MBNL2: variants seen among roughly 807,000 people sequenced by gnomAD.
MBNL2 encodes muscleblind like splicing regulator 2, also known as muscleblind-like protein 2.
In MBNL2, 17 loss-of-function variants were observed where a neutral mutation model predicts 41.9. The observed-to-expected ratio is 0.41, with a 90% CI of 0.28 to 0.61. MBNL2 has a LOEUF of 0.61. Among genes scored for constraint, MBNL2 ranks in the 20% least tolerant of loss-of-function variants. The pLI, the probability that MBNL2 is intolerant of heterozygous loss-of-function variation, is 0.35. For synonymous variants in MBNL2, 195 were observed against 182.9 expected, an observed-to-expected ratio of 1.07 and a Z score of -0.53; for missense variants, 336 against 505.6, an observed-to-expected ratio of 0.66 and a Z score of 3.22.
the MBNL2 span, among the ~76,000 whole-genome samples, chr13:97,142,014 C>G: frequency 1.3e-5 from 2 of 151,792 alleles, no homozygotes; most frequent in Non-Finnish European, 2.9e-5. Flanking sequence ...AGGAACTGAA[C>G]CAGAGAGAAG....
At chr13:97,171,505 A>G in the MBNL2 span, among the ~76,000 whole-genome samples, 1 of 152,208 alleles carries the variant, frequency 6.6e-6, no homozygotes, top group Non-Finnish European at 1.5e-5. Flanking sequence ...ATTCATGTGT[A>G]CATACAATAT....
In MBNL2 at chr13:97,287,918, G is replaced by GTTTTTTTTTT. The variant is rs11423615; in HGVS notation, c.174+11510_174+11519dup. The stretch of plus-strand genomic sequence containing the variant: ...TGCCACCAGGCCCGGCTAATTTTCT[G>GTTTTTTTTTT]TTTTTTTTTTGTTTTGTTTTGTTTT... On this transcript the variant is annotated intron_variant, in intron 2 of 8. Coordinates refer to ENST00000679496, the MANE Select transcript of MBNL2 (RefSeq NM_001382683.1). 3.2e-4 allele frequency among the ~76,000 whole-genome samples: 40 copies of GTTTTTTTTTT among 124,600 alleles called. 4 individuals are homozygous for GTTTTTTTTTT. The highest frequency in any genetic ancestry group is 1.4e-3 in the African/African-American group (40 of 28,756). 81.7% of individuals were successfully genotyped at this position (124,600 alleles called of 152,430 possible). A position where few individuals can be genotyped will look rare whatever the true frequency, so the allele number is the denominator to read the frequency against.
At chr13:97,154,662 GT>G in the MBNL2 span, among the ~76,000 whole-genome samples, 1 of 152,098 alleles carries the variant, frequency 6.6e-6, no homozygotes, top group Non-Finnish European at 1.5e-5. Context: ...GATTAAATTC[GT>G]TTGGATGATG....
At chr13:97,237,266 G>A (rs1361571203) in intron 1 of MBNL2, among the ~76,000 whole-genome samples, 4 of 152,204 alleles carry the variant, frequency 2.6e-5, no homozygotes, top group African/African-American at 9.7e-5. Flanking sequence ...GCATGGTGAG[G>A]GACCCTTTGT....
chr13:97,271,767 C>T (rs567753843), intron 1 of MBNL2, among the ~76,000 whole-genome samples: 33 of 152,000 alleles, frequency 2.2e-4, no homozygotes, highest in African/African-American at 7.0e-4. Flanking sequence ...GATCTCATTC[C>T]GCTGCATAGT....
the MBNL2 span, among the ~76,000 whole-genome samples, chr13:97,161,376 G>A: frequency 1.3e-5 from 2 of 152,198 alleles, no homozygotes; most frequent in African/African-American, 4.8e-5. Flanking sequence ...CACCATTGAG[G>A]GTAAGGATAG....
intron 3 of MBNL2, among the ~76,000 whole-genome samples, chr13:97,342,666 TAGTC>T (rs1346524438): frequency 2.0e-5 from 3 of 152,240 alleles, no homozygotes; most frequent in Non-Finnish European, 4.4e-5. Context: ...CAAAGATTAT[TAGTC>T]AGTATTCTAT....
At chr13:97,275,340 T>G (rs547980431) in intron 1 of MBNL2, among the ~76,000 whole-genome samples, 2 of 152,250 alleles carry the variant, frequency 1.3e-5, no homozygotes, top group Admixed American at 1.3e-4. Context: ...ATACACTGTT[T>G]TGGCGATTAA....
intron 8 of MBNL2, among the ~76,000 whole-genome samples, chr13:97,377,084 C>T (rs962765565): frequency 6.6e-5 from 10 of 152,182 alleles, no homozygotes; most frequent in African/African-American, 2.4e-4. Flanking sequence ...ACAAAGAACC[C>T]ACCACGTGCC....
chr13:97,220,650 A>C (rs2152757628), upstream of MBNL2, among the ~76,000 whole-genome samples: 1 of 152,222 alleles, frequency 6.6e-6, no homozygotes, highest in Non-Finnish European at 1.5e-5. Flanking sequence ...GAGCTTGAAG[A>C]TGAGGAGGCC....
At chr13:97,266,272 A>C (rs2049776519) in intron 1 of MBNL2, among the ~76,000 whole-genome samples, 1 of 152,216 alleles carries the variant, frequency 6.6e-6, no homozygotes, top group Non-Finnish European at 1.5e-5. Flanking sequence ...TTAATTAATT[A>C]ATTAAAACAA....
At chr13:97,198,957 G>A in the MBNL2 span, among the ~76,000 whole-genome samples, 5 of 152,032 alleles carry the variant, frequency 3.3e-5, no homozygotes, top group African/African-American at 1.2e-4. Context: ...TCACTTCTCT[G>A]CTCAAAACCC....
At chr13:97,368,043 C>A (rs887417513) in intron 8 of MBNL2, among the ~76,000 whole-genome samples, 1 of 152,160 alleles carries the variant, frequency 6.6e-6, no homozygotes, top group African/African-American at 2.4e-5. Context: ...TCTTTCAAGT[C>A]TGAAGTCCTG....
intron 3 of MBNL2, among the ~76,000 whole-genome samples, chr13:97,335,849 A>C (rs1484818528): frequency 6.6e-6 from 1 of 152,216 alleles, no homozygotes; most frequent in Non-Finnish European, 1.5e-5. Flanking sequence ...TTTAAACTAC[A>C]CACATGTATA....
At chr13:97,271,471 CA>C (rs199915981) in intron 1 of MBNL2, among the ~76,000 whole-genome samples, 6 of 147,220 alleles carry the variant, frequency 4.1e-5, no homozygotes, top group Admixed American at 1.3e-4. Flanking sequence ...AAAAACAAAA[CA>C]AAAAAAAACA....
the MBNL2 span, among the ~76,000 whole-genome samples, chr13:97,149,328 G>A: frequency 3.3e-5 from 5 of 152,224 alleles, no homozygotes; most frequent in South Asian, 6.2e-4. Flanking sequence ...CTGCTTTCTC[G>A]TACACTGCGC....
At chr13:97,357,731 A>G in intron 7 of MBNL2, 96 bp downstream of exon 7, 3 of 1,174,924 alleles carry the variant, frequency 2.6e-6, no homozygotes, top group Admixed American at 1.7e-5. Flanking sequence ...TTTGCTTTTG[A>G]AGGTATAATA....
At chr13:97,315,850 G>A (rs2153031626) in intron 2 of MBNL2, among the ~76,000 whole-genome samples, 1 of 151,954 alleles carries the variant, frequency 6.6e-6, no homozygotes, top group South Asian at 2.1e-4. Flanking sequence ...TTACTCGTGG[G>A]TGAGGATGTG....
At chr13:97,379,386 CTTTTTAA>C (rs1429730713) in intron 8 of MBNL2, among the ~76,000 whole-genome samples, 1 of 152,124 alleles carries the variant, frequency 6.6e-6, no homozygotes, top group Non-Finnish European at 1.5e-5. Flanking sequence ...TCGAGACTCA[CTTTTTAA>C]TTTTTAACAA....
Sources: gnomAD v4.1 joint callset for allele counts (sites outside exome capture counted in the v4.1 genomes callset) on GRCh38, gnomAD v4.1.1 for gene constraint, MANE v1.5 for transcripts, NCBI Gene and HGNC (gene_info 2026-07-23, HGNC 2026-07-21) for gene names.